NFIB: variants seen among roughly 807,000 people sequenced by gnomAD.
NFIB encodes the protein nuclear factor 1 B-type.
Under a neutral mutation model 61.5 loss-of-function variants are expected in NFIB, and 11 were observed. The ratio of observed to expected loss-of-function variants is 0.18; its 90% CI spans 0.11 to 0.30. The LOEUF (loss-of-function observed/expected upper bound fraction) is 0.30. Ranked by LOEUF, NFIB falls within the 10% of genes least tolerant of loss-of-function variation. NFIB has a pLI of 1.00. For missense variants in NFIB, 471 were observed against 608.9 expected (o/e 0.77, Z 2.38); for synonymous variants, 260 against 216.5 (o/e 1.20, Z -1.76).
intron 1 of NFIB, chr9:14,322,001 C>CTGACT: frequency 8.1e-7 from 1 of 1,228,454 alleles, no homozygotes; most frequent in Non-Finnish European, 1.0e-6. Context: ...CCCTGGGCCG[C>CTGACT]TGACTTGACG....
Position 14,087,457 on chromosome 9 carries a change from T to C in NFIB, c.*852A>G, listed in dbSNP as rs1210772123. On this transcript the variant is annotated 3_prime_UTR_variant, in exon 11 of 11. Coordinates refer to ENST00000380953, the MANE Select transcript of NFIB (RefSeq NM_001190737.2). The stretch of plus-strand genomic sequence containing the variant: ...ACTTGCCTCTGTTAAGTGTTTCTTT[T>C]GTGGGGAAAATATTATATTAATTTT... The C allele has an allele frequency of 4.5e-6, 1 of 221,000 alleles. No individual in the cohort carries two copies. The highest frequency in any genetic ancestry group is 2.2e-5 in the African/African-American group (1 of 44,604). 13.7% of individuals were successfully genotyped at this position (221,000 alleles called of 1,614,324 possible). A position where few individuals can be genotyped will look rare whatever the true frequency, so the allele number is the denominator to read the frequency against.
chr9:14,251,003 T>C (rs2055544594), intron 2 of NFIB, among the ~76,000 whole-genome samples: 1 of 152,240 alleles, frequency 6.6e-6, no homozygotes. Context: ...GAGACTTTTC[T>C]TAGGTGATGT....
chr9:14,167,526 C>T (rs1288611312), intron 3 of NFIB, among the ~76,000 whole-genome samples: 2 of 152,140 alleles, frequency 1.3e-5, no homozygotes, highest in East Asian at 3.9e-4. Context: ...GAGTGAGATG[C>T]TGTCTCAACA....
chr9:14,105,143 A>G (rs1234773291), intron 10 of NFIB, among the ~76,000 whole-genome samples: 1 of 152,172 alleles, frequency 6.6e-6, no homozygotes, highest in African/African-American at 2.4e-5. Flanking sequence ...CTTTGACCAT[A>G]TGCTGCACAC....
intron 1 of NFIB, among the ~76,000 whole-genome samples, chr9:14,342,628 C>A (rs2060965631): frequency 6.6e-6 from 1 of 152,054 alleles, no homozygotes; most frequent in Non-Finnish European, 1.5e-5. Context: ...TAAAGAGAAC[C>A]CCAACTGTGA....
intron 10 of NFIB, among the ~76,000 whole-genome samples, chr9:14,099,737 C>G (rs2035429777): frequency 6.6e-6 from 1 of 152,158 alleles, no homozygotes. Flanking sequence ...CTGCCATTAT[C>G]AATTATGTGC....
At chr9:14,424,602 C>T in the NFIB span, among the ~76,000 whole-genome samples, 1 of 152,164 alleles carries the variant, frequency 6.6e-6, no homozygotes, top group Non-Finnish European at 1.5e-5. Flanking sequence ...GTGACAGCCT[C>T]TTTGCAGACA....
the NFIB span, among the ~76,000 whole-genome samples, chr9:14,525,080 T>C: frequency 6.6e-6 from 1 of 152,182 alleles, no homozygotes; most frequent in African/African-American, 2.4e-5. Flanking sequence ...GAAAGATGAA[T>C]GGAATCGCAT....
the NFIB span, among the ~76,000 whole-genome samples, chr9:14,464,719 A>T: frequency 2.0e-5 from 3 of 152,022 alleles, no homozygotes; most frequent in Non-Finnish European, 4.4e-5. Context: ...GTTCTGATGG[A>T]CCAGAACCCT....
At chr9:14,140,384 A>G (rs1176117120) in intron 6 of NFIB, among the ~76,000 whole-genome samples, 1 of 152,122 alleles carries the variant, frequency 6.6e-6, no homozygotes, top group Admixed American at 6.6e-5. Flanking sequence ...CTGTGTTCCA[A>G]AGTTTGGGCC....
chr9:14,464,539 A>T, the NFIB span, among the ~76,000 whole-genome samples: 3 of 152,212 alleles, frequency 2.0e-5, no homozygotes, highest in Non-Finnish European at 4.4e-5. Flanking sequence ...GGTGTTTCTC[A>T]TGAGAAAACA....
chr9:14,148,724 A>T (rs1015927679), intron 5 of NFIB, among the ~76,000 whole-genome samples: 1 of 152,172 alleles, frequency 6.6e-6, no homozygotes, highest in Non-Finnish European at 1.5e-5. Context: ...CCCTTGAATC[A>T]TGTATATGCC....
At chr9:14,279,111 C>G (rs962306263) in intron 2 of NFIB, among the ~76,000 whole-genome samples, 4 of 151,964 alleles carry the variant, frequency 2.6e-5, no homozygotes, top group African/African-American at 9.7e-5. Flanking sequence ...TTCACAAAGC[C>G]CTTTCACACA....
the NFIB span, among the ~76,000 whole-genome samples, chr9:14,445,715 GT>G: frequency 6.6e-6 from 1 of 152,242 alleles, no homozygotes; most frequent in East Asian, 1.9e-4. Flanking sequence ...AGCATTGCTG[GT>G]TTGGTTTTAT....
At chr9:14,151,723 C>A (rs183332426) in intron 4 of NFIB, among the ~76,000 whole-genome samples, 2 of 152,172 alleles carry the variant, frequency 1.3e-5, no homozygotes, top group Admixed American at 6.6e-5. Flanking sequence ...AAAGTGGAGA[C>A]CAGGCAGGTT....
At chr9:14,261,466 T>C (rs940377092) in intron 2 of NFIB, among the ~76,000 whole-genome samples, 7 of 152,240 alleles carry the variant, frequency 4.6e-5, no homozygotes, top group African/African-American at 1.7e-4. Context: ...GAGTCCATTG[T>C]AGGGGCCAAG....
intron 1 of NFIB, among the ~76,000 whole-genome samples, chr9:14,310,349 G>A (rs2060222081): frequency 6.6e-6 from 1 of 152,154 alleles, no homozygotes; most frequent in South Asian, 2.1e-4. Context: ...GAATTCAAGT[G>A]AAGCACTTAT....
chr9:14,088,431 T>C, intron 10 of NFIB, 105 bp from the exon 11 acceptor site: 1 of 1,190,182 alleles, frequency 8.4e-7, no homozygotes, highest in African/African-American at 1.6e-5. Context: ...CATCAAATTA[T>C]TGCTATCCCT....
intron 2 of NFIB, among the ~76,000 whole-genome samples, chr9:14,275,425 C>T (rs149385417): frequency 1.3e-5 from 2 of 152,042 alleles, no homozygotes; most frequent in African/African-American, 4.8e-5. Flanking sequence ...AAGAATAAAG[C>T]GATATCAGTG....
Sources: allele counts gnomAD v4.1 joint callset (sites outside exome capture counted in the v4.1 genomes callset), GRCh38; gene constraint gnomAD v4.1.1; transcripts MANE v1.5; gene names NCBI Gene and HGNC (gene_info 2026-07-23, HGNC 2026-07-21).